EGFR: variants seen among roughly 807,000 people sequenced by gnomAD.
EGFR encodes avian erythroblastic leukemia viral (v-erb-b) oncogene homolog.
EGFR carries 58 observed loss-of-function variants against 143.0 expected under a neutral mutation model. The observed-to-expected ratio is 0.41, with a 90% CI of 0.33 to 0.50. The LOEUF (loss-of-function observed/expected upper bound fraction) is 0.50. Among genes scored for constraint, EGFR ranks in the 20% least tolerant of loss-of-function variants. The probability of loss-of-function intolerance (pLI) is 0.39; values close to 1 mark genes in which losing one functional copy is unlikely to be tolerated. For synonymous variants in EGFR, 613 were observed against 594.4 expected, an observed-to-expected ratio of 1.03 and a Z score of -0.45; for missense variants, 1,307 against 1,579.0, an observed-to-expected ratio of 0.83 and a Z score of 2.92.
chr7:55,197,750 G>A lies in EGFR; in HGVS notation c.2702-967G>A, dbSNP rs144038823. Among the ~76,000 whole-genome samples the A allele has an allele frequency of 6.4e-3, 982 of 152,310 alleles. 4 individuals are homozygous for A. The highest frequency in any genetic ancestry group is 9.6e-3 in the Non-Finnish European group (654 of 68,026). ...TGAGAGCCTTTTCTGCATCTATTGA[G>A]ATGATCATGTGGCTTTTGTCCTTAG... On this transcript the variant is annotated intron_variant, in intron 22 of 27. Transcript: ENST00000275493.
chr7:55,146,145 G>A (rs1404261928), intron 3 of EGFR, among the ~76,000 whole-genome samples: 1 of 151,884 alleles, frequency 6.6e-6, no homozygotes, highest in African/African-American at 2.4e-5. Flanking sequence ...TTTCTCTAAT[G>A]AAAAGCTCCG....
intron 1 of EGFR, among the ~76,000 whole-genome samples, chr7:55,024,666 T>C (rs1786778352): frequency 6.6e-6 from 1 of 152,230 alleles, no homozygotes. Flanking sequence ...CAAGTATTGG[T>C]ACCTGTTACA....
chr7:55,183,129 A>C (rs1451127752), intron 20 of EGFR, among the ~76,000 whole-genome samples: 2 of 152,054 alleles, frequency 1.3e-5, no homozygotes, highest in Non-Finnish European at 2.9e-5. Flanking sequence ...GCACCTCCCC[A>C]TGTCAACCTC....
chr7:55,153,857 C>T (rs759599153), intron 6 of EGFR, among the ~76,000 whole-genome samples, 154 bp from the exon 7 acceptor site: 2 of 152,086 alleles, frequency 1.3e-5, no homozygotes, highest in South Asian at 2.1e-4. Context: ...CTGCAGAGGG[C>T]GCCAGCTGGG....
chr7:55,187,034 T>G, intron 20 of EGFR, among the ~76,000 whole-genome samples: 1 of 151,876 alleles, frequency 6.6e-6, no homozygotes, highest in African/African-American at 2.4e-5. Context: ...TGGGTGAGAG[T>G]TGGCTGCGGA....
chr7:55,041,085 C>G (rs185319952), intron 1 of EGFR, among the ~76,000 whole-genome samples: 1 of 152,276 alleles, frequency 6.6e-6, no homozygotes, highest in Non-Finnish European at 1.5e-5. Context: ...TAGCAGTACA[C>G]AGGTGGTGTC....
chr7:55,174,119 C>T (rs2128953942), intron 18 of EGFR, 76 bp downstream of exon 18: 2 of 1,591,046 alleles, frequency 1.3e-6, no homozygotes, highest in South Asian at 1.1e-5. Context: ...AGAGTCCTTG[C>T]AAGCTGTATA....
At chr7:55,027,748 C>T (rs538889943) in intron 1 of EGFR, among the ~76,000 whole-genome samples, 11 of 152,062 alleles carry the variant, frequency 7.2e-5, no homozygotes, top group East Asian at 3.9e-4. Context: ...GTTCTAGACA[C>T]GATAAATACA....
intron 1 of EGFR, among the ~76,000 whole-genome samples, chr7:55,123,871 A>C (rs1326245867): frequency 7.5e-6 from 1 of 132,810 alleles, no homozygotes; most frequent in African/African-American, 2.6e-5. Context: ...GCATGCATGC[A>C]CGTGTGTAAA....
intron 20 of EGFR, among the ~76,000 whole-genome samples, chr7:55,186,230 A>G (rs1787131911): frequency 6.6e-6 from 1 of 152,270 alleles, no homozygotes; most frequent in African/African-American, 2.4e-5. Flanking sequence ...GAAGGGCCAC[A>G]GTGTGTTGGT....
intron 1 of EGFR, among the ~76,000 whole-genome samples, chr7:55,103,472 G>A (rs1345864702): frequency 6.6e-6 from 1 of 152,182 alleles, no homozygotes; most frequent in Non-Finnish European, 1.5e-5. Context: ...CTTACAGAAT[G>A]TGATCCACCA....
intron 1 of EGFR, among the ~76,000 whole-genome samples, chr7:55,047,946 G>A (rs1788275505): frequency 6.6e-6 from 1 of 151,854 alleles, no homozygotes; most frequent in South Asian, 2.1e-4. Flanking sequence ...AGACAAATGT[G>A]AATTCAGTTT....
chr7:55,095,083 G>A (rs934238290), intron 1 of EGFR, among the ~76,000 whole-genome samples: 2 of 152,152 alleles, frequency 1.3e-5, no homozygotes, highest in Admixed American at 6.5e-5. Context: ...GGACACAGAG[G>A]TGGATTCTCC....
At chr7:55,179,895 G>A (rs845558) in intron 19 of EGFR, 64,901 of 152,102 alleles carry the variant, frequency 0.43, 14,624 homozygotes, top group African/African-American at 0.51. Context: ...ATGTCTGTAG[G>A]TTACACACAA....
intron 1 of EGFR, among the ~76,000 whole-genome samples, chr7:55,022,858 C>G (rs1289599566): frequency 6.6e-6 from 1 of 152,206 alleles, no homozygotes; most frequent in Non-Finnish European, 1.5e-5. Flanking sequence ...CATAATTACA[C>G]TTGGTCCACG....
intron 1 of EGFR, among the ~76,000 whole-genome samples, chr7:55,127,679 C>G (rs115072317): frequency 6.6e-6 from 1 of 152,176 alleles, no homozygotes; most frequent in African/African-American, 2.4e-5. Flanking sequence ...CAACACCCCC[C>G]TTATAAAGAC....
At chr7:55,125,077 A>G (rs1793444392) in intron 1 of EGFR, among the ~76,000 whole-genome samples, 1 of 152,188 alleles carries the variant, frequency 6.6e-6, no homozygotes, top group African/African-American at 2.4e-5. Context: ...CATTTCCAGC[A>G]GGCTCCTGGG....
chr7:55,154,974 G>A (rs1276887102), intron 7 of EGFR, among the ~76,000 whole-genome samples: 1 of 151,388 alleles, frequency 6.6e-6, no homozygotes, highest in Admixed American at 6.6e-5. Flanking sequence ...CAAAGCTAAA[G>A]AAAAATGTGC....
At chr7:55,202,941 ATGTG>A (rs912260314) in intron 27 of EGFR, 3 of 614,192 alleles carry the variant, frequency 4.9e-6, no homozygotes, top group Admixed American at 5.1e-5. Context: ...ACATCTGTGT[ATGTG>A]TGTGTGTGTA....
Sources: allele counts gnomAD v4.1 joint callset (sites outside exome capture counted in the v4.1 genomes callset), GRCh38; gene constraint gnomAD v4.1.1; transcripts MANE v1.5; gene names NCBI Gene and HGNC (gene_info 2026-07-23, HGNC 2026-07-21).